The following UNC79 variants were observed in gnomAD, a reference collection of about 807,000 sequenced individuals.
UNC79 encodes the protein unc-79 subunit of NALCN channel complex, also known as protein unc-79 homolog.
Under a neutral mutation model 283.1 loss-of-function variants are expected in UNC79, and 37 were observed. The observed-to-expected ratio is 0.13, with a 90% CI of 0.10 to 0.17. The LOEUF (loss-of-function observed/expected upper bound fraction) is 0.17, where lower values mean the gene tolerates loss of function less well. Ranked by LOEUF, UNC79 falls within the 10% of genes least tolerant of loss-of-function variation. The probability of loss-of-function intolerance (pLI) is 1.00; values close to 1 mark genes in which losing one functional copy is unlikely to be tolerated. For synonymous variants in UNC79, 1,107 were observed against 1,200.2 expected (o/e 0.92, Z 1.61); for missense variants, 2,272 against 3,211.1 (o/e 0.71, Z 7.07).
chr14:93,585,497 C>G (rs889444612), intron 20 of UNC79, among the ~76,000 whole-genome samples: 1 of 152,194 alleles, frequency 6.6e-6, no homozygotes, highest in Non-Finnish European at 1.5e-5. Flanking sequence ...ACAAAACAGT[C>G]AAGTACTTAT....
At chr14:93,487,623 G>A in intron 4 of UNC79, 40 bp from the exon 5 acceptor site, 2 of 1,544,512 alleles carry the variant, frequency 1.3e-6, no homozygotes, top group Non-Finnish European at 1.8e-6. Context: ...GGTATATGTA[G>A]AGATTAAATT....
exon 20 of UNC79, chr14:93,582,272 G>A (rs2063874364): frequency 6.2e-7 from 1 of 1,614,108 alleles, no homozygotes; most frequent in Non-Finnish European, 8.5e-7. Context: ...CCCTGAAGGG[G>A]AGGAGGAGGA....
At chr14:93,670,453 A>G (rs1323686659) in intron 40 of UNC79, among the ~76,000 whole-genome samples, 1 of 152,220 alleles carries the variant, frequency 6.6e-6, no homozygotes, top group African/African-American at 2.4e-5. Context: ...AACTCAGGAA[A>G]GCACTTGCTT....
At chr14:93,470,831 A>G (rs2057462296) in intron 2 of UNC79, among the ~76,000 whole-genome samples, 1 of 152,238 alleles carries the variant, frequency 6.6e-6, no homozygotes, top group African/African-American at 2.4e-5. Flanking sequence ...CCTCACTGCT[A>G]CATGGGAGGG....
At chr14:93,564,263 T>C (rs1247582423) in intron 14 of UNC79, among the ~76,000 whole-genome samples, 1 of 152,154 alleles carries the variant, frequency 6.6e-6, no homozygotes. Flanking sequence ...TAGGTTTCCA[T>C]TTGTGAGTTT....
intron 26 of UNC79, among the ~76,000 whole-genome samples, chr14:93,611,082 A>AT (rs1220269371): frequency 1.3e-5 from 2 of 152,108 alleles, no homozygotes; most frequent in Admixed American, 6.5e-5. Flanking sequence ...ACATACATTG[A>AT]TTTTTTTCCT....
intron 24 of UNC79, among the ~76,000 whole-genome samples, chr14:93,598,523 T>G (rs2065258830): frequency 6.6e-6 from 1 of 152,128 alleles, no homozygotes; most frequent in African/African-American, 2.4e-5. Context: ...TTATAGTTTT[T>G]TGCTTTGTTT....
At chr14:93,341,915 T>C (rs1336702742) in intron 1 of UNC79, among the ~76,000 whole-genome samples, 1 of 152,186 alleles carries the variant, frequency 6.6e-6, no homozygotes, top group African/African-American at 2.4e-5. Context: ...CTTGGGCAGC[T>C]ATTCTTGTGT....
At chr14:93,452,030 GACC>G (rs2056659152) in intron 1 of UNC79, among the ~76,000 whole-genome samples, 1 of 152,126 alleles carries the variant, frequency 6.6e-6, no homozygotes, top group African/African-American at 2.4e-5. Flanking sequence ...TTGCAGTCCT[GACC>G]CAGAACCTTT....
intron 40 of UNC79, among the ~76,000 whole-genome samples, chr14:93,668,559 A>G (rs1027503601): frequency 6.6e-6 from 1 of 151,888 alleles, no homozygotes; most frequent in Non-Finnish European, 1.5e-5. Flanking sequence ...CAAAAAAAAA[A>G]TTAGGCGGGG....
At chr14:93,352,150 G>T (rs528630066) in intron 1 of UNC79, among the ~76,000 whole-genome samples, 1 of 152,312 alleles carries the variant, frequency 6.6e-6, no homozygotes, top group South Asian at 2.1e-4. Context: ...AGTTTCTTAA[G>T]ATCTATCTTC....
chr14:93,348,718 C>T (rs779028462), intron 1 of UNC79, among the ~76,000 whole-genome samples: 1 of 152,186 alleles, frequency 6.6e-6, no homozygotes, highest in Non-Finnish European at 1.5e-5. Flanking sequence ...AAGAATCATA[C>T]ACATCTTTGA....
intron 14 of UNC79, among the ~76,000 whole-genome samples, chr14:93,560,368 T>G (rs1056750386): frequency 2.7e-5 from 4 of 149,272 alleles, no homozygotes; most frequent in Non-Finnish European, 5.9e-5. Context: ...TTTTCAGCAG[T>G]GAGTAAGTCA....
exon 46 of UNC79, chr14:93,691,768 G>T: frequency 6.2e-7 from 1 of 1,614,132 alleles, no homozygotes; most frequent in Non-Finnish European, 8.5e-7. Flanking sequence ...CTGCACATGT[G>T]CTCCCTCTTC....
intron 29 of UNC79, among the ~76,000 whole-genome samples, chr14:93,620,389 G>A (rs922651991): frequency 6.6e-6 from 1 of 152,144 alleles, no homozygotes; most frequent in African/African-American, 2.4e-5. Flanking sequence ...ACCGTATAAG[G>A]TGCATGTACT....
chr14:93,695,349 C>G (rs573709140), intron 47 of UNC79, among the ~76,000 whole-genome samples: 100 of 152,312 alleles, frequency 6.6e-4, no homozygotes, highest in African/African-American at 2.2e-3. Flanking sequence ...TCACACTATG[C>G]TGAGGAAAAG....
At chr14:93,630,801 A>G in exon 31 of UNC79, 2 of 1,612,452 alleles carry the variant, frequency 1.2e-6, no homozygotes, top group South Asian at 1.1e-5. Context: ...CTGTTTGTAG[A>G]TCCTTCTACT....
chr14:93,704,715 G>C, intron 48 of UNC79, 49 bp downstream of exon 51: 1 of 1,595,400 alleles, frequency 6.3e-7, no homozygotes. Context: ...TGCAGAGAAC[G>C]TATAACGTTC....
At chr14:93,433,318 A>T (rs945123658) in intron 1 of UNC79, among the ~76,000 whole-genome samples, 1 of 152,200 alleles carries the variant, frequency 6.6e-6, no homozygotes, top group African/African-American at 2.4e-5. Flanking sequence ...AATGAAGGTA[A>T]TTAAGGAATC....
Sources: allele counts gnomAD v4.1 joint callset (sites outside exome capture counted in the v4.1 genomes callset), GRCh38; gene constraint gnomAD v4.1.1; transcripts MANE v1.5; gene names NCBI Gene and HGNC (gene_info 2026-07-23, HGNC 2026-07-21).